TATDN2: variants seen among roughly 807,000 people sequenced by gnomAD.
TATDN2 encodes TatD DNase domain containing 2.
A neutral mutation model predicts 60.3 loss-of-function variants in TATDN2; 44 were observed. The ratio of observed to expected loss-of-function variants is 0.73; its 90% CI spans 0.57 to 0.94. The LOEUF (loss-of-function observed/expected upper bound fraction) is 0.94. TATDN2 is among the 40% of genes least tolerant of loss of function. The pLI, the probability that TATDN2 is intolerant of heterozygous loss-of-function variation, is 0.00. For missense variants in TATDN2, 997 were observed against 948.0 expected (o/e 1.05, Z -0.68); for synonymous variants, 399 against 355.8 (o/e 1.12, Z -1.37).
At chr3:10,260,878 T>C (rs1388596471) in intron 3 of TATDN2, among the ~76,000 whole-genome samples, 2 of 152,164 alleles carry the variant, frequency 1.3e-5, no homozygotes, top group Admixed American at 6.5e-5. Flanking sequence ...TTTTTTTTTT[T>C]TTGAAGGATT....
chr3:10,258,083 A>G (rs1043394242), intron 2 of TATDN2, among the ~76,000 whole-genome samples: 1 of 150,778 alleles, frequency 6.6e-6, no homozygotes, highest in African/African-American at 2.4e-5. Context: ...GATGGTCTCG[A>G]TGGGCCCGCC....
intron 2 of TATDN2, among the ~76,000 whole-genome samples, chr3:10,253,905 T>C (rs1275290208): frequency 6.6e-6 from 1 of 152,208 alleles, no homozygotes; most frequent in Non-Finnish European, 1.5e-5. Flanking sequence ...TAGTCCAACT[T>C]CAAAGCCAGT....
chr3:10,274,419 A>C (rs990210549), intron 4 of TATDN2, among the ~76,000 whole-genome samples: 1 of 152,212 alleles, frequency 6.6e-6, no homozygotes, highest in African/African-American at 2.4e-5. Flanking sequence ...AATAGTTTTA[A>C]GTGTCTTTTC....
chr3:10,259,616 A>G (rs2241312), intron 2 of TATDN2, among the ~76,000 whole-genome samples: 37,852 of 152,120 alleles, frequency 0.25, 5,367 homozygotes, highest in Middle Eastern at 0.38. Context: ...TCCAAAACCA[A>G]GTTGATTATT....
At chr3:10,261,415 G>C (rs1698401333) in intron 3 of TATDN2, among the ~76,000 whole-genome samples, 1 of 150,374 alleles carries the variant, frequency 6.7e-6, no homozygotes, top group African/African-American at 2.4e-5. Context: ...CTGTTGCCCA[G>C]GCTGGAGTGC....
intron 4 of TATDN2, 36 bp downstream of exon 4, chr3:10,271,051 A>G (rs2125179425): frequency 1.3e-6 from 2 of 1,499,444 alleles, no homozygotes; most frequent in East Asian, 2.3e-5. Context: ...TATAGTTTTA[A>G]TTTTTCTTTT....
intron 3 of TATDN2, among the ~76,000 whole-genome samples, chr3:10,266,360 A>C (rs1322309298): frequency 6.6e-6 from 1 of 152,148 alleles, no homozygotes; most frequent in Non-Finnish European, 1.5e-5. Context: ...GTTATACCCA[A>C]ACTTCTATTT....
chr3:10,270,315 C>G lies in TATDN2; in HGVS notation c.1133C>G (p.Pro378Arg). 6.2e-7 allele frequency: 1 copy of G among 1,614,170 alleles called. No individual in the cohort carries two copies. The highest frequency in any genetic ancestry group is 1.3e-5 in the African/African-American group (1 of 75,040). The change falls in exon 4 of 8, where the codon CCT becomes CGT. Residue 378 changes from proline (P) to arginine (R), a missense_variant. Physicochemically the swap from Pro to Arg is moderately radical, Grantham distance 103. Coordinates refer to ENST00000448281, the MANE Select transcript of TATDN2 (RefSeq NM_014760.4). Reference sequence around the variant, plus strand: ...TACCCTCCTCATTTGTACAGTAGTCCTTGGTGTGACTACGCCAGCTATTGG... The same window carrying G: ...TACCCTCCTCATTTGTACAGTAGTCGTTGGTGTGACTACGCCAGCTATTGG... ...VMYPPHLYSSPWCDYASYWTS... is the reference protein window; with the variant it reads ...VMYPPHLYSSRWCDYASYWTS...
In TATDN2 at chr3:10,278,719, C is replaced by T. The variant is rs1025590007; in HGVS notation, c.2146-166C>T. On this transcript the variant is annotated intron_variant, in intron 6 of 7. Coordinates refer to ENST00000448281, the MANE Select transcript of TATDN2 (RefSeq NM_014760.4). This position sits in a 1 kb window ranked among gnomAD's most constrained non-coding sequence, Gnocchi z 4.7. ...GTCCAAGGAAGCGTGGGACCCTGCT[C>T]ACCCAGAGCCCCCATGACTAGGACT... The T allele has an allele frequency of 7.0e-6, 8 of 1,135,600 alleles. No homozygotes were observed. The highest frequency in any genetic ancestry group is 1.5e-5 in the African/African-American group (1 of 65,284). The allele number at this position is 1,135,600 out of a possible 1,614,324, so 70.3% of individuals were successfully genotyped here. A position where few individuals can be genotyped will look rare whatever the true frequency, so the allele number is the denominator to read the frequency against.
chr3:10,270,529 C>T lies in TATDN2; in HGVS notation c.1347C>T (p.Arg449=), dbSNP rs1191560180. The change falls in exon 4 of 8, where the codon CGC becomes CGT. Residue 449 remains arginine, a synonymous_variant. Transcript: ENST00000448281. ...GGTCCCAGAATTCTCGTTCATTTCG[C>T]TTCTCCAGAAGCTCAGAAGAAAGAG... The part of the protein sequence containing the change: ...EGWSQNSRSF[R]FSRSSEEREV... 6.2e-7 allele frequency: 1 copy of T among 1,614,114 alleles called. No individual in the cohort carries two copies. The highest frequency in any genetic ancestry group is 8.5e-7 in the Non-Finnish European group (1 of 1,180,054).
At chr3:10,273,763 A>T (rs1156771508) in intron 4 of TATDN2, among the ~76,000 whole-genome samples, 1 of 152,178 alleles carries the variant, frequency 6.6e-6, no homozygotes, top group Non-Finnish European at 1.5e-5. Flanking sequence ...AGTTATAGTT[A>T]TTCTGCTGGT....
chr3:10,248,972 C>CTTT lies in TATDN2; in HGVS notation c.-101_-99dup, dbSNP rs1698176697. On this transcript the variant is annotated 5_prime_UTR_variant, in exon 1 of 8. Coordinates refer to ENST00000448281, the MANE Select transcript of TATDN2 (RefSeq NM_014760.4). ...TGTGGGCTTGGAAACCGACGGCAGC[C>CTTT]TTTAGTCAATTTTGGATCGCTTTGA... 4.5e-6 allele frequency: 2 copies of CTTT among 446,152 alleles called. No homozygotes were observed. The highest frequency in any genetic ancestry group is 7.5e-6 in the Non-Finnish European group (2 of 266,718). 27.6% of individuals were successfully genotyped at this position (446,152 alleles called of 1,614,324 possible).
At position 10,260,290 on chromosome 3, in the gene TATDN2, G is replaced by A; in HGVS notation, c.568G>A (p.Ala190Thr). The A allele has an allele frequency of 6.2e-7, 1 of 1,614,180 alleles. No homozygotes were observed. The highest frequency in any genetic ancestry group is 2.2e-5 in the East Asian group (1 of 44,880). Residue 190 changes from alanine (A) to threonine (T), a missense_variant, in exon 3 of 8, where the codon GCT becomes ACT. Coordinates refer to ENST00000448281, the MANE Select transcript of TATDN2 (RefSeq NM_014760.4). ...GGGCTCCACAATGATCTACCTGAAG[G>A]CTATCCAGGGCATCCTGGGGAAATC... is the stretch of plus-strand genomic sequence containing the variant. Reference protein sequence around the residue: ...DQGSTMIYLKAIQGILGKSMP... With the variant: ...DQGSTMIYLKTIQGILGKSMP...
At chr3:10,252,223 C>G (rs1012790826) in intron 2 of TATDN2, among the ~76,000 whole-genome samples, 2 of 147,706 alleles carry the variant, frequency 1.4e-5, no homozygotes, top group Non-Finnish European at 3.0e-5. Flanking sequence ...TGGTCTCAAA[C>G]TCCTGGGCTC....
At chr3:10,266,194 C>T (rs1401990081) in intron 3 of TATDN2, among the ~76,000 whole-genome samples, 2 of 152,066 alleles carry the variant, frequency 1.3e-5, no homozygotes, top group Admixed American at 6.6e-5. Context: ...GTGGGAAGGA[C>T]AAAAACTATA....
intron 2 of TATDN2, among the ~76,000 whole-genome samples, chr3:10,253,446 C>G (rs1026927894): frequency 6.6e-6 from 1 of 152,232 alleles, no homozygotes; most frequent in Non-Finnish European, 1.5e-5. Flanking sequence ...GAGATCCCTG[C>G]TGGCTGACCT....
chr3:10,266,670 G>A (rs1323153799), intron 3 of TATDN2, among the ~76,000 whole-genome samples: 1 of 152,194 alleles, frequency 6.6e-6, no homozygotes, highest in South Asian at 2.1e-4. Flanking sequence ...CATAGACAAC[G>A]TACAAGTGAA....
At chr3:10,251,323 C>T (rs1698230151) in intron 2 of TATDN2, among the ~76,000 whole-genome samples, 2 of 151,974 alleles carry the variant, frequency 1.3e-5, no homozygotes, top group South Asian at 4.2e-4. Flanking sequence ...TTTTAGTAGC[C>T]AAGGGAATTT....
At chr3:10,261,590 G>A (rs936490293) in intron 3 of TATDN2, among the ~76,000 whole-genome samples, 5 of 151,980 alleles carry the variant, frequency 3.3e-5, no homozygotes, top group Non-Finnish European at 7.4e-5. Flanking sequence ...GGCTGGTCTC[G>A]AACTCCTGAC....
Sources: gnomAD v4.1 joint callset for allele counts (sites outside exome capture counted in the v4.1 genomes callset) on GRCh38, gnomAD v4.1.1 for gene constraint, Gnocchi (gnomAD v3.1) non-coding constraint, MANE v1.5 for transcripts, NCBI Gene and HGNC (gene_info 2026-07-23, HGNC 2026-07-21) for gene names.